The following MECOM variants were observed in gnomAD, a reference collection of about 807,000 sequenced individuals.
The protein encoded by MECOM is histone-lysine N-methyltransferase MECOM.
A neutral mutation model predicts 116.3 loss-of-function variants in MECOM; 13 were observed. The observed-to-expected ratio is 0.11, with a 90% CI of 0.07 to 0.18. The LOEUF (loss-of-function observed/expected upper bound fraction) is 0.18, where lower values mean the gene tolerates loss of function less well. Ranked by LOEUF, MECOM falls within the 10% of genes least tolerant of loss-of-function variation. MECOM has a pLI of 1.00. For synonymous variants in MECOM, 528 were observed against 535.2 expected, an observed-to-expected ratio of 0.99 and a Z score of 0.19; for missense variants, 1,299 against 1,509.0, an observed-to-expected ratio of 0.86 and a Z score of 2.31.
chr3:169,196,636 A>T (rs1361272249), intron 2 of MECOM, among the ~76,000 whole-genome samples: 1 of 152,074 alleles, frequency 6.6e-6, no homozygotes, highest in Non-Finnish European at 1.5e-5. Flanking sequence ...AGAGTTCTAA[A>T]TGGCTATTAT....
At chr3:169,527,447 A>G (rs1406149302) in intron 1 of MECOM, among the ~76,000 whole-genome samples, 2 of 152,242 alleles carry the variant, frequency 1.3e-5, no homozygotes, top group Non-Finnish European at 2.9e-5. Flanking sequence ...TTGATGCATC[A>G]CTATGGACTA....
chr3:169,552,035 G>A lies in MECOM; in HGVS notation c.37+111301C>T, dbSNP rs115138707. 1.7e-3 allele frequency among the ~76,000 whole-genome samples: 261 copies of A among 151,354 alleles called. 1 individual carries two copies. The highest frequency in any genetic ancestry group is 2.5e-3 in the South Asian group (12 of 4,792). Reference sequence around the variant, plus strand: ...ACTGGGACAGAAAGTAGATTAGGGAGGGATAATGAGAAGTAACTGCTAACA... The same window carrying A: ...ACTGGGACAGAAAGTAGATTAGGGAAGGATAATGAGAAGTAACTGCTAACA... On this transcript the variant is annotated intron_variant, in intron 1 of 16. Transcript: ENST00000651503.
intron 1 of MECOM, among the ~76,000 whole-genome samples, chr3:169,635,225 G>A (rs948072472): frequency 1.3e-5 from 2 of 152,208 alleles, no homozygotes; most frequent in African/African-American, 2.4e-5. Flanking sequence ...AAGGATGATA[G>A]CAATGTCTAA....
chr3:169,369,342 C>CTTTT (rs10661629), intron 2 of MECOM, among the ~76,000 whole-genome samples: 25,531 of 86,666 alleles, frequency 0.29, 4,485 homozygotes, highest in Admixed American at 0.34. Context: ...TGATTGCAGC[C>CTTTT]TTTTTTTTTT....
chr3:169,394,434 T>G (rs975204894), intron 1 of MECOM, among the ~76,000 whole-genome samples: 14 of 152,166 alleles, frequency 9.2e-5, no homozygotes, highest in African/African-American at 3.4e-4. Flanking sequence ...ATTCCATTTT[T>G]TTAAGAGAAA....
chr3:169,629,884 A>C (rs545312907), intron 1 of MECOM, among the ~76,000 whole-genome samples: 1 of 152,334 alleles, frequency 6.6e-6, no homozygotes, highest in South Asian at 2.1e-4. Flanking sequence ...CTGGTGGTCC[A>C]TGCAGCACAG....
At chr3:169,252,212 G>C (rs1161486833) in intron 2 of MECOM, among the ~76,000 whole-genome samples, 2 of 152,034 alleles carry the variant, frequency 1.3e-5, no homozygotes, top group Non-Finnish European at 2.9e-5. Flanking sequence ...TTAATGTAAA[G>C]TTATTTATTT....
At chr3:169,396,900 G>T (rs1735104685) in intron 1 of MECOM, among the ~76,000 whole-genome samples, 1 of 152,150 alleles carries the variant, frequency 6.6e-6, no homozygotes, top group African/African-American at 2.4e-5. Flanking sequence ...ATGAACCCAG[G>T]AGGCGCATGT....
At chr3:169,124,068 ATAGAGT>A (rs1252151879) in intron 5 of MECOM, among the ~76,000 whole-genome samples, 3 of 152,146 alleles carry the variant, frequency 2.0e-5, no homozygotes, top group African/African-American at 4.8e-5. Flanking sequence ...TGAAACAATG[ATAGAGT>A]TAGAGTACAT....
At chr3:169,103,637 C>T (rs1213790021) in intron 10 of MECOM, among the ~76,000 whole-genome samples, 4 of 152,106 alleles carry the variant, frequency 2.6e-5, no homozygotes, top group Admixed American at 2.6e-4. Flanking sequence ...AATGAGACAG[C>T]AGGACAGAGA....
chr3:169,222,160 G>A (rs1644222657), intron 2 of MECOM, among the ~76,000 whole-genome samples: 1 of 152,190 alleles, frequency 6.6e-6, no homozygotes, highest in African/African-American at 2.4e-5. Context: ...GGTCAGTGCT[G>A]TGCCACAGAA....
intron 10 of MECOM, 78 bp downstream of exon 10, chr3:169,107,848 G>A (rs1725938132): frequency 2.5e-6 from 3 of 1,219,222 alleles, no homozygotes; most frequent in Non-Finnish European, 3.6e-6. Context: ...ATTTATGTCT[G>A]TACAGCAATT....
chr3:169,297,697 GACT>G (rs1484229738), intron 2 of MECOM, among the ~76,000 whole-genome samples: 5 of 151,908 alleles, frequency 3.3e-5, no homozygotes, highest in Non-Finnish European at 7.4e-5. Flanking sequence ...TGATAATCTT[GACT>G]GATCAGCTTA....
At chr3:169,150,210 C>T (rs773882893) in intron 2 of MECOM, among the ~76,000 whole-genome samples, 6 of 152,116 alleles carry the variant, frequency 3.9e-5, no homozygotes, top group Non-Finnish European at 2.9e-5. Flanking sequence ...ATTTAGAAGA[C>T]CTGATCCATC....
chr3:169,131,822 G>T, intron 3 of MECOM: 1 of 737,234 alleles, frequency 1.4e-6, no homozygotes, highest in Non-Finnish European at 1.8e-6. Context: ...TATATCCTGT[G>T]TAATGTTTAA....
At chr3:169,179,451 T>C (rs1745648455) in intron 2 of MECOM, among the ~76,000 whole-genome samples, 1 of 113,666 alleles carries the variant, frequency 8.8e-6, no homozygotes, top group African/African-American at 4.3e-5. Context: ...TGCGGAATGT[T>C]TGCCTAAGAA....
At chr3:169,384,617 T>G (rs1357319227) in intron 1 of MECOM, among the ~76,000 whole-genome samples, 6 of 152,218 alleles carry the variant, frequency 3.9e-5, no homozygotes, top group Non-Finnish European at 8.8e-5. Context: ...TCTGTTTTTC[T>G]TGAGAAATAT....
rs1365036184 is a variant in MECOM at position 169,644,237 on chromosome 3, TTTATTTATTTA to T, written c.37+19088_37+19098del. Among the ~76,000 whole-genome samples the T allele has an allele frequency of 0.017, 519 of 30,356 alleles. 2 individuals carry two copies. In the African/African-American group the frequency reaches 0.23, roughly 13 times the overall value. 19.9% of individuals were successfully genotyped at this position (30,356 alleles called of 152,430 possible). A position where few individuals can be genotyped will look rare whatever the true frequency, so the allele number is the denominator to read the frequency against. ...CCTCGCATTTTATTTTATTTATTTG[TTTATTTATTTA>T]TTTATTTATTTATTTATTTATTTAT... On this transcript the variant is annotated intron_variant, in intron 1 of 16. Transcript: ENST00000651503.
intron 2 of MECOM, among the ~76,000 whole-genome samples, chr3:169,254,937 T>C (rs1239553605): frequency 6.6e-6 from 1 of 152,080 alleles, no homozygotes; most frequent in Non-Finnish European, 1.5e-5. Context: ...CTTCTTCTGC[T>C]TAATGCATAG....
Sources: gnomAD v4.1 joint callset for allele counts (sites outside exome capture counted in the v4.1 genomes callset) on GRCh38, gnomAD v4.1.1 for gene constraint, MANE v1.5 for transcripts, NCBI Gene and HGNC (gene_info 2026-07-23, HGNC 2026-07-21) for gene names.